Variants in GCG observed in about 807,000 individuals in gnomAD.
The protein encoded by GCG is pro-glucagon.
A neutral mutation model predicts 22.8 loss-of-function variants in GCG; 11 were observed. The observed-to-expected ratio is 0.48, with a 90% CI of 0.30 to 0.80. The LOEUF is 0.80. Among genes scored for constraint, GCG ranks in the 30% least tolerant of loss-of-function variants. The pLI is 0.06. For synonymous variants in GCG, 89 were observed against 72.4 expected (o/e 1.23, Z -1.16); for missense variants, 222 against 222.0 (o/e 1.00, Z 0.00).
chr2:162,149,117 C>T lies in GCG; in HGVS notation c.62G>A (p.Arg21His), dbSNP rs745474532. 32 of 1,611,148 alleles carry T rather than the reference C, an allele frequency of 2.0e-5. No individual in the cohort carries two copies. Among genetic ancestry groups the T allele is most frequent in the East Asian group, 1.1e-4 (5 of 44,834 alleles). The change falls in exon 2 of 6, where the codon CGT becomes CAT. Residue 21 changes from arginine to histidine, a missense_variant. Arg to His is a conservative substitution (Grantham distance 29). Transcript: ENST00000418842. Reference protein sequence around the residue: ...FVMLVQGSWQRSLQDTEEKSR... With the variant: ...FVMLVQGSWQHSLQDTEEKSR... ...TTTCTCCTCTGTGTCTTGAAGGGAA[C>T]GTTGCCAGCTGCCTTGTACCAGCAT...
intron 5 of GCG, 96 bp downstream of exon 5, chr2:162,143,931 A>G: frequency 1.0e-6 from 1 of 955,248 alleles, no homozygotes; most frequent in Non-Finnish European, 1.7e-6. Context: ...AAGAGATTAT[A>G]GACTTTCCCC....
intron 3 of GCG, among the ~76,000 whole-genome samples, chr2:162,146,225 C>G (rs1686680183): frequency 6.6e-6 from 1 of 152,098 alleles, no homozygotes; most frequent in South Asian, 2.1e-4. Flanking sequence ...TGGAGGTGAG[C>G]CATCAGCTGC....
intron 1 of GCG, among the ~76,000 whole-genome samples, chr2:162,151,711 G>T (rs1686841954): frequency 6.6e-6 from 1 of 152,110 alleles, no homozygotes; most frequent in Non-Finnish European, 1.5e-5. Context: ...GAAAACCAGA[G>T]ATTTTAATTG....
intron 4 of GCG, chr2:162,145,310 T>C: frequency 2.6e-6 from 1 of 384,326 alleles, no homozygotes; most frequent in South Asian, 8.6e-5. Flanking sequence ...CTAATTATAA[T>C]GCAACTATAA....
chr2:162,149,213 G>A (rs760794212), intron 1 of GCG, 26 bp from the exon 2 acceptor site: 1 of 1,334,174 alleles, frequency 7.5e-7, no homozygotes, highest in East Asian at 2.3e-5. Flanking sequence ...ATGGGGGTAG[G>A]GTGAGGGGGG....
At chr2:162,145,783 T>C (rs1364785275) in intron 3 of GCG, 106 bp from the exon 4 acceptor site, 2 of 785,566 alleles carry the variant, frequency 2.5e-6, no homozygotes, top group Admixed American at 5.1e-5. Context: ...TAGAAGGGGC[T>C]TAGGGAGTTT....
chr2:162,150,304 T>A (rs954618468), intron 1 of GCG, among the ~76,000 whole-genome samples: 3 of 152,198 alleles, frequency 2.0e-5, no homozygotes, highest in Non-Finnish European at 2.9e-5. Flanking sequence ...AATGAATATT[T>A]TTAGCAAATG....
chr2:162,144,882 C>G (rs1269451612), intron 4 of GCG: 4 of 151,990 alleles, frequency 2.6e-5, no homozygotes, highest in African/African-American at 9.7e-5. Flanking sequence ...GTGTTAAGAT[C>G]TAAGCAAGTA....
chr2:162,147,621 G>A, intron 2 of GCG, 107 bp from the exon 3 acceptor site: 1 of 945,128 alleles, frequency 1.1e-6, no homozygotes, highest in South Asian at 1.3e-5. Flanking sequence ...AGTAAGGCAG[G>A]CATCTAGAGT....
intron 3 of GCG, among the ~76,000 whole-genome samples, chr2:162,146,725 C>T (rs1202907949): frequency 6.6e-6 from 1 of 152,096 alleles, no homozygotes; most frequent in Non-Finnish European, 1.5e-5. Context: ...TCCACCATCT[C>T]TGTGAAACCC....
intron 4 of GCG, 56 bp downstream of exon 4, chr2:162,145,484 G>A: frequency 1.4e-6 from 2 of 1,441,472 alleles, no homozygotes; most frequent in Non-Finnish European, 1.9e-6. Flanking sequence ...GATAACTGTA[G>A]TCTTAAATTT....
At chr2:162,143,429 T>C (rs1686601876) in intron 5 of GCG, 59 bp from the exon 6 acceptor site, 4 of 669,640 alleles carry the variant, frequency 6.0e-6, no homozygotes, top group Non-Finnish European at 1.0e-5. Context: ...TATCATTAAC[T>C]TATCCAGAAA....
chr2:162,147,686 G>A (rs546180863), intron 2 of GCG, 172 bp from the exon 3 acceptor site: 29 of 742,504 alleles, frequency 3.9e-5, no homozygotes, highest in East Asian at 3.8e-4. Context: ...GAATCCCTTC[G>A]TTTTAGTATA....
rs768897793 is a variant in GCG at position 162,147,483 on chromosome 2, T to A, written c.124A>T (p.Ser42Cys). 12 of 1,613,108 alleles carry A rather than the reference T, an allele frequency of 7.4e-6. No homozygotes were observed. The highest frequency in any genetic ancestry group is 1.0e-5 in the Non-Finnish European group (12 of 1,179,378). The change falls in exon 3 of 6, where the codon AGT becomes TGT. Residue 42 changes from serine to cysteine, a missense_variant. Coordinates refer to ENST00000418842, the MANE Select transcript of GCG (RefSeq NM_002054.5). ...SFSASQADPL[S>C]DPDQMNEDKR... ...TCCTCGTTCATCTGATCAGGATCAC[T>A]GAGTGGGTCTGCCTGGGAAGCTGAG...
intron 1 of GCG, among the ~76,000 whole-genome samples, chr2:162,151,743 A>C (rs1274199564): frequency 6.6e-6 from 1 of 152,176 alleles, no homozygotes; most frequent in Non-Finnish European, 1.5e-5. Flanking sequence ...TTTCTGTTAT[A>C]GGCTCCCTAA....
intron 1 of GCG, among the ~76,000 whole-genome samples, 186 bp downstream of exon 1, chr2:162,151,972 G>A (rs943510691): frequency 1.2e-4 from 18 of 151,652 alleles, no homozygotes; most frequent in African/African-American, 3.4e-4. Context: ...CTCGCTTTGC[G>A]GCTTCGCTAT....
At chr2:162,149,251 C>A in intron 1 of GCG, 64 bp from the exon 2 acceptor site, 4 of 865,178 alleles carry the variant, frequency 4.6e-6, no homozygotes, top group Non-Finnish European at 7.8e-6. Flanking sequence ...ACATGTCAGG[C>A]TAAATTAATT....
In GCG at chr2:162,143,355, G is replaced by T; in HGVS notation, c.*9C>A. 8.1e-7 allele frequency: 1 copy of T among 1,233,142 alleles called. No individual in the cohort carries two copies. The highest frequency in any genetic ancestry group is 1.1e-6 in the Non-Finnish European group (1 of 877,026). The allele number at this position is 1,233,142 out of a possible 1,614,324, so 76.4% of individuals were successfully genotyped here. A position where few individuals can be genotyped will look rare whatever the true frequency, so the allele number is the denominator to read the frequency against. On this transcript the variant is annotated 3_prime_UTR_variant, in exon 6 of 6. Coordinates refer to ENST00000418842, the MANE Select transcript of GCG (RefSeq NM_002054.5). ...GATGTTGTGAAGATGATCTTGAATA[G>T]TGATATAGTTATTTCCTAGAGATTA...
chr2:162,146,076 G>A (rs576321310), intron 3 of GCG, among the ~76,000 whole-genome samples: 55 of 152,294 alleles, frequency 3.6e-4, no homozygotes, highest in African/African-American at 1.3e-3. Flanking sequence ...TAATTGATTT[G>A]AGGGAAAGCA....
Sources: allele counts gnomAD v4.1 joint callset (sites outside exome capture counted in the v4.1 genomes callset), GRCh38; gene constraint gnomAD v4.1.1; transcripts MANE v1.5; gene names NCBI Gene and HGNC (gene_info 2026-07-23, HGNC 2026-07-21).